PIN4: variants seen among roughly 807,000 people sequenced by gnomAD.
PIN4 encodes the protein peptidyl-prolyl cis-trans isomerase NIMA-interacting 4.
PIN4 carries 3 observed loss-of-function variants against 8.3 expected under a neutral mutation model. The ratio of observed to expected loss-of-function variants is 0.36; its 90% CI spans 0.16 to 0.93. The LOEUF (loss-of-function observed/expected upper bound fraction) is 0.93, where lower values mean the gene tolerates loss of function less well. Ranked by LOEUF, PIN4 falls within the 40% of genes least tolerant of loss-of-function variation. The probability of loss-of-function intolerance (pLI) is 0.44; values close to 1 mark genes in which losing one functional copy is unlikely to be tolerated. For synonymous variants in PIN4, 18 were observed against 32.5 expected, an observed-to-expected ratio of 0.55 and a Z score of 1.52; for missense variants, 75 against 100.6, an observed-to-expected ratio of 0.75 and a Z score of 1.09.
At chrX:72,221,290 C>G (rs1307990712) in intron 3 of PIN4, among the ~76,000 whole-genome samples, 1 of 112,140 alleles carries the variant, frequency 8.9e-6, no homozygotes, top group Non-Finnish European at 1.9e-5. Context: ...AAGATCTGCC[C>G]TCCTCTGGCT....
At chrX:72,196,282 T>C (rs889526296) in intron 2 of PIN4, among the ~76,000 whole-genome samples, 1 of 110,638 alleles carries the variant, frequency 9.0e-6, no homozygotes, top group Non-Finnish European at 1.9e-5. Context: ...ACGCCTGTAA[T>C]CCCAGCACTT....
chrX:72,187,185 G>A (rs2042707949), intron 2 of PIN4, among the ~76,000 whole-genome samples: 1 of 111,865 alleles, frequency 8.9e-6, no homozygotes, highest in Admixed American at 9.6e-5. Context: ...GAATAAACAG[G>A]CAAGGGTGCA....
intron 3 of PIN4, among the ~76,000 whole-genome samples, chrX:72,214,597 A>G (rs1362962946): frequency 1.9e-5 from 2 of 104,660 alleles, no homozygotes; most frequent in Non-Finnish European, 3.9e-5. Context: ...CATGTGAACC[A>G]GGGAGGCGGA....
intron 3 of PIN4, among the ~76,000 whole-genome samples, chrX:72,215,603 G>A (rs2042883351): frequency 9.0e-6 from 1 of 111,423 alleles, no homozygotes; most frequent in African/African-American, 3.3e-5. Flanking sequence ...AGACTAAAAA[G>A]ACTGCTTTGC....
At chrX:72,263,626 G>C (rs5958776) in exon 4 of PIN4, 1 of 112,232 alleles carries the variant, frequency 8.9e-6, no homozygotes, top group African/African-American at 3.2e-5. Flanking sequence ...TTTTGAACAA[G>C]AGGTTTTGAA....
At chrX:72,241,941 A>G (rs1425441876) in intron 3 of PIN4, among the ~76,000 whole-genome samples, 1 of 112,223 alleles carries the variant, frequency 8.9e-6, no homozygotes, top group African/African-American at 3.2e-5. Context: ...GAAGAGCAGA[A>G]TAGGGGAGAA....
chrX:72,226,916 T>C (rs773033741), intron 3 of PIN4, among the ~76,000 whole-genome samples: 1 of 111,620 alleles, frequency 9.0e-6, no homozygotes, highest in Non-Finnish European at 1.9e-5. Flanking sequence ...TGACAACATT[T>C]CTTAAGCTCC....
rs909912513 is a variant in PIN4 at position 72,188,565 on chromosome X, G to A, written c.117+2031G>A. Among the ~76,000 whole-genome samples the A allele has an allele frequency of 2.7e-5, 3 of 111,954 alleles. No homozygotes were observed. In the South Asian group the frequency reaches 1.1e-3, roughly 41 times the overall value. ...GTAGAGATGAGGTTTCACCATGTTG[G>A]CCAGGCTGGTCTTGAACTCCTGACC... On this transcript the variant is annotated intron_variant, in intron 2 of 3. Transcript: ENST00000373669.
intron 3 of PIN4, among the ~76,000 whole-genome samples, chrX:72,243,977 G>A (rs1296744288): frequency 8.9e-6 from 1 of 112,435 alleles, no homozygotes; most frequent in African/African-American, 3.2e-5. Flanking sequence ...TCTGGCTTTC[G>A]ACTTTTTGCT....
At chrX:72,246,891 C>G (rs183663639) in intron 3 of PIN4, among the ~76,000 whole-genome samples, 1 of 112,123 alleles carries the variant, frequency 8.9e-6, no homozygotes, top group African/African-American at 3.2e-5. Context: ...CTGGCTCCCC[C>G]GTGATCATGT....
intron 3 of PIN4, among the ~76,000 whole-genome samples, chrX:72,257,418 C>T (rs766152628): frequency 3.9e-5 from 4 of 103,834 alleles, no homozygotes; most frequent in Non-Finnish European, 7.9e-5. Flanking sequence ...TGTGTGGGGC[C>T]GGGGGGAGGG....
chrX:72,223,374 A>T, intron 3 of PIN4, among the ~76,000 whole-genome samples: 1 of 104,790 alleles, frequency 9.5e-6, no homozygotes, highest in Middle Eastern at 5.1e-3. Context: ...AAGGTCCCCA[A>T]ACATCTCAGC....
At chrX:72,226,534 G>C (rs745621940) in intron 3 of PIN4, among the ~76,000 whole-genome samples, 64 of 112,059 alleles carry the variant, frequency 5.7e-4, no homozygotes, top group African/African-American at 2.0e-3. Flanking sequence ...GCTATGTCAC[G>C]GCTAAGGGAT....
intron 3 of PIN4, among the ~76,000 whole-genome samples, chrX:72,260,187 T>C (rs761275324): frequency 8.9e-6 from 1 of 112,368 alleles, no homozygotes; most frequent in South Asian, 3.6e-4. Context: ...TCCCCACAGC[T>C]GGAGACCCAG....
chrX:72,209,720 A>ATAT (rs1398099789), intron 3 of PIN4, among the ~76,000 whole-genome samples: 2 of 111,645 alleles, frequency 1.8e-5, no homozygotes, highest in East Asian at 5.6e-4. Context: ...TTGCCCCTCC[A>ATAT]ATACACACTC....
chrX:72,186,182 A>G (rs764233469), intron 1 of PIN4: 13 of 348,946 alleles, frequency 3.7e-5, no homozygotes, highest in Admixed American at 1.2e-4. Flanking sequence ...CAAATTTGCA[A>G]ACTTTCTTAA....
At chrX:72,259,369 C>G (rs1164809201) in intron 3 of PIN4, among the ~76,000 whole-genome samples, 1 of 109,586 alleles carries the variant, frequency 9.1e-6, no homozygotes. Context: ...CAGGCGCCCA[C>G]CACCATGCCC....
Position 72,215,967 on chromosome X carries a change from A to T in PIN4, c.312+19063A>T, listed in dbSNP as rs752025025. On this transcript the variant is annotated intron_variant, in intron 3 of 3. Transcript: ENST00000423432. ...CTATAAAATGTTGGCATTTCTGGGG[A>T]TCTTTTTGTTGTCAATGTCCTTCTG... Among the ~76,000 whole-genome samples the T allele has an allele frequency of 6.3e-4, 69 of 109,832 alleles. 2 individuals carry two copies. The South Asian group carries it at 0.026, about 42-fold the overall frequency.
intron 3 of PIN4, among the ~76,000 whole-genome samples, chrX:72,230,661 A>G (rs1221065634): frequency 1.8e-5 from 2 of 111,943 alleles, no homozygotes; most frequent in Non-Finnish European, 3.8e-5. Flanking sequence ...GTACTATTAT[A>G]AATTAGCATG....
Sources: allele counts gnomAD v4.1 joint callset (sites outside exome capture counted in the v4.1 genomes callset), GRCh38; gene constraint gnomAD v4.1.1; transcripts MANE v1.5; gene names NCBI Gene and HGNC (gene_info 2026-07-23, HGNC 2026-07-21).